Variants in ZC3H12B observed in about 807,000 individuals in gnomAD.
ZC3H12B encodes the protein zinc finger CCCH-type containing 12B.
In ZC3H12B, 7 loss-of-function variants were observed where a neutral mutation model predicts 43.9. The ratio of observed to expected loss-of-function variants is 0.16; its 90% CI spans 0.09 to 0.30. ZC3H12B has a LOEUF of 0.30. Ranked by LOEUF, ZC3H12B falls within the 10% of genes least tolerant of loss-of-function variation. The probability of loss-of-function intolerance (pLI) is 1.00; values close to 1 mark genes in which losing one functional copy is unlikely to be tolerated. For synonymous variants in ZC3H12B, 222 were observed against 241.7 expected (o/e 0.92, Z 0.76); for missense variants, 475 against 670.2 (o/e 0.71, Z 3.22).
intron 3 of ZC3H12B, among the ~76,000 whole-genome samples, chrX:65,477,857 G>A (rs1396918225): frequency 9.3e-6 from 1 of 107,006 alleles, no homozygotes; most frequent in Admixed American, 1.0e-4. Context: ...GTGTGTGTGT[G>A]TACACTTGGT....
chrX:65,218,138 G>A, the ZC3H12B span, among the ~76,000 whole-genome samples: 1 of 112,355 alleles, frequency 8.9e-6, no homozygotes, highest in East Asian at 2.8e-4. Context: ...TGCCAGGAGG[G>A]AATGATGTGA....
the ZC3H12B span, among the ~76,000 whole-genome samples, chrX:65,248,318 C>T: frequency 3.6e-5 from 4 of 111,272 alleles, no homozygotes; most frequent in Non-Finnish European, 5.7e-5. Context: ...CTGTGAGCCA[C>T]CGCACCAAGC....
At chrX:65,191,542 C>G in the ZC3H12B span, among the ~76,000 whole-genome samples, 3 of 101,267 alleles carry the variant, frequency 3.0e-5, no homozygotes, top group African/African-American at 4.6e-5. Flanking sequence ...GTGTATGTGT[C>G]GAGTAATTTA....
chrX:65,112,379 C>G, the ZC3H12B span, among the ~76,000 whole-genome samples: 2 of 112,149 alleles, frequency 1.8e-5, no homozygotes, highest in Non-Finnish European at 3.8e-5. Context: ...AGCAAGTACT[C>G]CACAAGAACT....
At chrX:65,210,018 C>G in the ZC3H12B span, among the ~76,000 whole-genome samples, 3 of 63,004 alleles carry the variant, frequency 4.8e-5, no homozygotes, top group Non-Finnish European at 7.1e-5. Flanking sequence ...GCAAGGACTT[C>G]ATGTCCAAAA....
chrX:65,304,541 G>A, the ZC3H12B span, among the ~76,000 whole-genome samples: 8 of 108,724 alleles, frequency 7.4e-5, no homozygotes, highest in East Asian at 2.9e-4. Flanking sequence ...GCGTGAACCC[G>A]GGAGGCGGAG....
chrX:65,153,334 T>C, the ZC3H12B span, among the ~76,000 whole-genome samples: 1 of 111,852 alleles, frequency 8.9e-6, no homozygotes, highest in African/African-American at 3.2e-5. Flanking sequence ...AACCTACTCA[T>C]CTGACAAAGG....
intron 3 of ZC3H12B, among the ~76,000 whole-genome samples, chrX:65,428,953 T>G (rs1404184494): frequency 8.9e-6 from 1 of 112,447 alleles, no homozygotes; most frequent in African/African-American, 3.2e-5. Context: ...TTAATGCTGT[T>G]GTTGTTGTTA....
chrX:65,254,193 A>G, the ZC3H12B span, among the ~76,000 whole-genome samples: 1 of 112,238 alleles, frequency 8.9e-6, no homozygotes, highest in East Asian at 2.8e-4. Flanking sequence ...CAGTGGCCCC[A>G]TGCCACCATG....
rs142007558 is a variant in ZC3H12B, at chrX:65,432,296, C to T, written n.407+33592C>T. Among the ~76,000 whole-genome samples, 531 of 111,500 alleles carry T rather than the reference C, an allele frequency of 4.8e-3. 4 individuals carry two copies. The highest frequency in any genetic ancestry group is 0.016 in the African/African-American group (501 of 30,656). On this transcript the variant is annotated intron_variant and non_coding_transcript_variant, in intron 3 of 5. Transcript: ENST00000617377. ...GGTAACTTGGTGACTTATGGTTGAGCATTTAGTTTCTCCTCAGACCCAGTA... is the reference window on the plus strand; with the variant it reads ...GGTAACTTGGTGACTTATGGTTGAGTATTTAGTTTCTCCTCAGACCCAGTA...
At chrX:65,152,240 G>A in the ZC3H12B span, among the ~76,000 whole-genome samples, 1 of 111,415 alleles carries the variant, frequency 9.0e-6, no homozygotes, top group Non-Finnish European at 1.9e-5. Flanking sequence ...AGGGCAATTA[G>A]GCAGGAGAAG....
the ZC3H12B span, among the ~76,000 whole-genome samples, chrX:65,307,645 A>G: frequency 4.5e-5 from 5 of 111,878 alleles, no homozygotes; most frequent in African/African-American, 1.6e-4. Context: ...ATTATCTGTG[A>G]GACAGTATCA....
the ZC3H12B span, among the ~76,000 whole-genome samples, chrX:65,145,626 T>A: frequency 8.9e-6 from 1 of 112,022 alleles, no homozygotes; most frequent in Non-Finnish European, 1.9e-5. Context: ...TGTTTTGATG[T>A]GTTTCCAGGA....
chrX:65,422,824 G>A (rs1240494745), intron 3 of ZC3H12B, among the ~76,000 whole-genome samples: 1 of 108,653 alleles, frequency 9.2e-6, no homozygotes, highest in Non-Finnish European at 1.9e-5. Flanking sequence ...TGAGAATGAT[G>A]CTTTCCAGCT....
chrX:65,156,021 A>G, the ZC3H12B span, among the ~76,000 whole-genome samples: 1 of 110,980 alleles, frequency 9.0e-6, no homozygotes, highest in Non-Finnish European at 1.9e-5. Flanking sequence ...TTATTGAATA[A>G]TTAGTCAAGG....
chrX:65,058,450 G>C, the ZC3H12B span, among the ~76,000 whole-genome samples: 1 of 112,067 alleles, frequency 8.9e-6, no homozygotes, highest in Non-Finnish European at 1.9e-5. Context: ...TTGTCTCAGA[G>C]GGGTAACCAG....
At chrX:65,334,063 G>C in the ZC3H12B span, among the ~76,000 whole-genome samples, 313 of 111,867 alleles carry the variant, frequency 2.8e-3, 2 homozygotes, top group Non-Finnish European at 4.4e-3. Context: ...CATTGCATTA[G>C]TGTACTATTG....
the ZC3H12B span, among the ~76,000 whole-genome samples, chrX:65,054,149 T>A: frequency 1.5e-4 from 17 of 112,012 alleles, no homozygotes; most frequent in Admixed American, 5.6e-4. Context: ...TTTGTTGCCA[T>A]TGCTTTTGGT....
At chrX:65,497,089 T>C in intron 1 of ZC3H12B, 43 bp from the exon 7 acceptor site, 1 of 1,150,354 alleles carries the variant, frequency 8.7e-7, no homozygotes. Context: ...TTCTTTGCTA[T>C]CTATTATCAA....
Sources: gnomAD v4.1 joint callset for allele counts (sites outside exome capture counted in the v4.1 genomes callset) on GRCh38, gnomAD v4.1.1 for gene constraint, MANE v1.5 for transcripts, NCBI Gene and HGNC (gene_info 2026-07-23, HGNC 2026-07-21) for gene names.